The following MARCHF1 variants were observed in gnomAD, a reference collection of about 807,000 sequenced individuals.
The protein encoded by MARCHF1 is E3 ubiquitin-protein ligase MARCHF1.
In MARCHF1, 40 loss-of-function variants were observed where a neutral mutation model predicts 54.2. The ratio of observed to expected loss-of-function variants is 0.74; its 90% CI spans 0.57 to 0.96. The LOEUF is 0.96. MARCHF1 is among the 40% of genes least tolerant of loss of function. The pLI is 0.00. For missense variants in MARCHF1, 586 were observed against 656.5 expected (o/e 0.89, Z 1.17); for synonymous variants, 236 against 236.3 (o/e 1.00, Z 0.01).
chr4:163,611,468 A>G (rs574106911), intron 7 of MARCHF1, among the ~76,000 whole-genome samples: 2 of 152,216 alleles, frequency 1.3e-5, no homozygotes, highest in African/African-American at 4.8e-5. Flanking sequence ...GAAAATCTTC[A>G]TTTGCTCTCA....
At position 163,922,746 on chromosome 4, in the gene MARCHF1, GC is replaced by G. The variant is rs74710617; in HGVS notation, c.-39+65754del. Reference sequence around the variant, plus strand: ...AAAAGCAACTAATTCTCCCTTAAATGCTAAATGACACACATCAATAGATCTT... The same window carrying G: ...AAAAGCAACTAATTCTCCCTTAAATGTAAATGACACACATCAATAGATCTT... On this transcript the variant is annotated intron_variant, in intron 3 of 9. Transcript: ENST00000514618. Among the ~76,000 whole-genome samples, 2,643 of 152,186 alleles carry G rather than the reference GC, an allele frequency of 0.017. 138 individuals are homozygous for G. The East Asian group carries it at 0.19, about 11-fold the overall frequency.
At chr4:164,024,449 G>GA (rs1234006365) in intron 2 of MARCHF1, among the ~76,000 whole-genome samples, 8 of 151,968 alleles carry the variant, frequency 5.3e-5, no homozygotes, top group East Asian at 1.9e-4. Context: ...ATCCTTAAAG[G>GA]AAAAAAATTA....
At chr4:164,094,448 G>A (rs987086346) in intron 2 of MARCHF1, among the ~76,000 whole-genome samples, 3 of 152,072 alleles carry the variant, frequency 2.0e-5, no homozygotes, top group Admixed American at 1.3e-4. Flanking sequence ...AGCAAAGTCC[G>A]GAGAGAACAG....
chr4:164,207,660 C>T (rs1439377859), intron 1 of MARCHF1, among the ~76,000 whole-genome samples: 1 of 152,144 alleles, frequency 6.6e-6, no homozygotes, highest in African/African-American at 2.4e-5. Flanking sequence ...GTGTTCACCA[C>T]AGCAGCGAAG....
intron 3 of MARCHF1, among the ~76,000 whole-genome samples, chr4:163,971,587 G>A (rs1296642397): frequency 6.6e-6 from 1 of 152,188 alleles, no homozygotes; most frequent in Admixed American, 6.5e-5. Context: ...TGACACACTA[G>A]GCAAATGTGG....
chr4:163,558,438 C>T (rs2110967134), intron 8 of MARCHF1, among the ~76,000 whole-genome samples: 1 of 152,216 alleles, frequency 6.6e-6, no homozygotes, highest in Non-Finnish European at 1.5e-5. Context: ...GGAGATGCTT[C>T]GGAGAAGATA....
chr4:164,140,239 C>CACTATATATATA (rs144974771), intron 1 of MARCHF1, among the ~76,000 whole-genome samples: 4 of 147,320 alleles, frequency 2.7e-5, no homozygotes, highest in Admixed American at 6.8e-5. Context: ...TACACACACA[C>CACTATATATATA]TATATATATA....
At position 163,730,547 on chromosome 4, in the gene MARCHF1, G is replaced by T. The variant is rs142871768; in HGVS notation, c.112-29684C>A. Reference sequence around the variant, plus strand: ...AATACTACCTTTTACTCAAGATTTGGTTTTTTTATTCTTTATTTTTTATAC... The same window carrying T: ...AATACTACCTTTTACTCAAGATTTGTTTTTTTTATTCTTTATTTTTTATAC... On this transcript the variant is annotated intron_variant, in intron 4 of 9. Transcript: ENST00000514618. Among the ~76,000 whole-genome samples the T allele has an allele frequency of 1.0e-3, 153 of 151,984 alleles. 2 individuals carry two copies. The highest frequency in any genetic ancestry group is 2.5e-3 in the South Asian group (12 of 4,822).
At chr4:163,822,718 T>C (rs1326205814) in intron 4 of MARCHF1, among the ~76,000 whole-genome samples, 2 of 151,956 alleles carry the variant, frequency 1.3e-5, no homozygotes, top group Non-Finnish European at 2.9e-5. Context: ...TTTATCTTTA[T>C]GCTAGAAACA....
intron 3 of MARCHF1, among the ~76,000 whole-genome samples, chr4:163,901,419 A>G (rs1278968853): frequency 6.6e-6 from 1 of 152,176 alleles, no homozygotes; most frequent in Non-Finnish European, 1.5e-5. Context: ...AGTTGTCTTC[A>G]TTAACACTTT....
chr4:164,097,260 C>T (rs1056931045), intron 2 of MARCHF1, among the ~76,000 whole-genome samples: 2 of 152,076 alleles, frequency 1.3e-5, no homozygotes, highest in African/African-American at 4.8e-5. Context: ...GAGCTTCTAT[C>T]CTAGGATTTA....
intron 4 of MARCHF1, among the ~76,000 whole-genome samples, chr4:163,705,439 A>G (rs1276656059): frequency 1.3e-5 from 2 of 151,970 alleles, no homozygotes; most frequent in African/African-American, 2.4e-5. Context: ...TGATAATAGC[A>G]TATGTCTTTG....
chr4:163,928,238 A>G (rs1177252048), intron 3 of MARCHF1, among the ~76,000 whole-genome samples: 1 of 151,906 alleles, frequency 6.6e-6, no homozygotes, highest in East Asian at 1.9e-4. Context: ...AGTATTATCT[A>G]TATGCCAATT....
intron 1 of MARCHF1, among the ~76,000 whole-genome samples, chr4:164,315,706 A>T (rs1273185552): frequency 6.6e-6 from 1 of 152,190 alleles, no homozygotes; most frequent in Non-Finnish European, 1.5e-5. Context: ...TTCACAAAGC[A>T]TCTGGCTAGA....
At chr4:164,123,900 T>C (rs1197471692) in intron 1 of MARCHF1, among the ~76,000 whole-genome samples, 1 of 151,900 alleles carries the variant, frequency 6.6e-6, no homozygotes, top group Non-Finnish European at 1.5e-5. Flanking sequence ...AATGGACAAA[T>C]GGGGTCACAT....
intron 4 of MARCHF1, among the ~76,000 whole-genome samples, chr4:163,814,576 T>G (rs1468353698): frequency 6.6e-6 from 1 of 152,062 alleles, no homozygotes; most frequent in Non-Finnish European, 1.5e-5. Flanking sequence ...AGAGTAAAAC[T>G]CCATCTCAAA....
intron 1 of MARCHF1, among the ~76,000 whole-genome samples, chr4:164,198,909 A>C (rs1466689994): frequency 2.0e-5 from 3 of 152,240 alleles, no homozygotes; most frequent in African/African-American, 7.2e-5. Flanking sequence ...AGATTCAAAA[A>C]ACTAAAAGGC....
At chr4:163,637,499 T>C (rs1236903920) in intron 5 of MARCHF1, among the ~76,000 whole-genome samples, 1 of 152,108 alleles carries the variant, frequency 6.6e-6, no homozygotes, top group Non-Finnish European at 1.5e-5. Context: ...ATAATGCTCA[T>C]CATCACTGGC....
chr4:163,938,433 T>C (rs1751846045), intron 3 of MARCHF1, among the ~76,000 whole-genome samples: 1 of 152,134 alleles, frequency 6.6e-6, no homozygotes, highest in Admixed American at 6.6e-5. Flanking sequence ...TCTCTGCTCT[T>C]AAAAGAGTTA....
Sources: gnomAD v4.1 joint callset for allele counts (sites outside exome capture counted in the v4.1 genomes callset) on GRCh38, gnomAD v4.1.1 for gene constraint, MANE v1.5 for transcripts, NCBI Gene and HGNC (gene_info 2026-07-23, HGNC 2026-07-21) for gene names.